The following PRRC2B variants were observed in gnomAD, a reference collection of about 807,000 sequenced individuals.
The protein encoded by PRRC2B is proline rich coiled-coil 2B.
Under a neutral mutation model 242.3 loss-of-function variants are expected in PRRC2B, and 68 were observed. The ratio of observed to expected loss-of-function variants is 0.28; its 90% CI spans 0.23 to 0.34. PRRC2B has a LOEUF of 0.34. PRRC2B is among the 10% of genes least tolerant of loss of function. PRRC2B has a pLI of 1.00. For missense variants in PRRC2B, 2,835 were observed against 2,954.8 expected, an observed-to-expected ratio of 0.96 and a Z score of 0.94; for synonymous variants, 1,228 against 1,173.6, an observed-to-expected ratio of 1.05 and a Z score of -0.95.
At chr9:131,383,940 C>T (rs972732202) in intron 1 of PRRC2B, among the ~76,000 whole-genome samples, 2 of 151,070 alleles carry the variant, frequency 1.3e-5, no homozygotes, top group African/African-American at 2.4e-5. Context: ...TTATTTTTTG[C>T]GACAGGCTTG....
At chr9:131,467,520 C>T (rs977470291) in intron 12 of PRRC2B, 43 bp from the exon 13 acceptor site, 4 of 1,489,676 alleles carry the variant, frequency 2.7e-6, no homozygotes, top group Non-Finnish European at 3.6e-6. Context: ...GGCTGAGCTT[C>T]TGTGAGCTCA....
intron 2 of PRRC2B, among the ~76,000 whole-genome samples, chr9:131,430,518 G>GATATCTATCTATAGATATCT (rs71372731): frequency 0.057 from 1,177 of 20,668 alleles, 26 homozygotes; most frequent in East Asian, 0.33. Context: ...TCTATAGATA[G>GATATCTATCTATAGATATCT]ATAGATAGAT....
At chr9:131,383,741 C>A (rs1407632064) in intron 1 of PRRC2B, among the ~76,000 whole-genome samples, 2 of 151,552 alleles carry the variant, frequency 1.3e-5, no homozygotes, top group Non-Finnish European at 2.9e-5. Context: ...CCAGCCTCAG[C>A]CTCCCAAATA....
rs149425465 is a variant in PRRC2B, at chr9:131,436,558, C to T, written c.294-62C>T. ...GCTGAACAGCTGTGGCTCCTGAGAA[C>T]GCAGAGACCTGGCCAGCGCACTCTG... On this transcript the variant is annotated intron_variant, in intron 3 of 31. Coordinates refer to ENST00000683519, the MANE Select transcript of PRRC2B (RefSeq NM_013318.4). 2.6e-3 allele frequency: 3,484 copies of T among 1,337,074 alleles called. 27 individuals carry two copies. Among genetic ancestry groups the T allele is most frequent in the Middle Eastern group, 7.5e-3 (40 of 5,322 alleles). The allele number at this position is 1,337,074 out of a possible 1,614,324, so 82.8% of individuals were successfully genotyped here.
At chr9:131,422,055 A>AT (rs1459792142) in intron 1 of PRRC2B, among the ~76,000 whole-genome samples, 1 of 151,152 alleles carries the variant, frequency 6.6e-6, no homozygotes, top group Non-Finnish European at 1.5e-5. Context: ...TCTTTTTTTT[A>AT]TTTTTTTATT....
chr9:131,414,231 T>G (rs55785234), intron 1 of PRRC2B, among the ~76,000 whole-genome samples: 1,528 of 151,348 alleles, frequency 0.01, 25 homozygotes, highest in Non-Finnish European at 0.013. Flanking sequence ...AATGAAACTT[T>G]TATCACAAAT....
At chr9:131,440,219 T>G (rs761811501) in intron 5 of PRRC2B, among the ~76,000 whole-genome samples, 5 of 152,220 alleles carry the variant, frequency 3.3e-5, no homozygotes, top group Non-Finnish European at 7.3e-5. Context: ...AAAAGGGTCT[T>G]TGAAGATGCT....
In PRRC2B at chr9:131,430,207, C is replaced by G. The variant is rs760842411; in HGVS notation, c.63C>G (p.Leu21=). ...GKDGKSKYST[L]SLFDKYKGKS... The stretch of plus-strand genomic sequence containing the variant: ...ATGGGAAAAGCAAGTACTCGACTCT[C>G]AGCCTGTTTGATAAGTATAAAGGAA... The change falls in exon 2 of 32, where the codon CTC becomes CTG. Residue 21 remains leucine, a synonymous_variant. Transcript: ENST00000683519. 3.1e-6 allele frequency: 5 copies of G among 1,608,196 alleles called. No individual in the cohort carries two copies. The highest frequency in any genetic ancestry group is 4.2e-6 in the Non-Finnish European group (5 of 1,177,294).
intron 1 of PRRC2B, among the ~76,000 whole-genome samples, chr9:131,408,822 T>A (rs192426621): frequency 0.01 from 1,513 of 150,980 alleles, 21 homozygotes; most frequent in Non-Finnish European, 0.013. Context: ...TGGGTTGAAG[T>A]GATTCTCCTG....
chr9:131,438,858 A>G, intron 4 of PRRC2B, 131 bp from the exon 5 acceptor site: 1 of 671,492 alleles, frequency 1.5e-6, no homozygotes, highest in Non-Finnish European at 2.7e-6. Context: ...CTGCTCAGAA[A>G]GTGGTGGTGG....
Position 131,464,801 on chromosome 9 carries a change from C to G in PRRC2B, c.1443C>G (p.Ile481Met). 6.2e-7 allele frequency: 1 copy of G among 1,609,398 alleles called. No individual in the cohort carries two copies. Residue 481 changes from isoleucine (I) to methionine (M), a missense_variant, in exon 12 of 32, where the codon ATC (isoleucine) becomes ATG (methionine). Transcript: ENST00000683519. The part of the protein sequence containing the change: ...SMGSMFRQQS[I>M]EDKEDKPPPR... ...GCAGCATGTTCCGGCAACAGTCCAT[C>G]GAGGACAAGGAGGACAAGCCCCCAC... is the stretch of plus-strand genomic sequence containing the variant.
chr9:131,463,872 G>C (rs567662024), intron 11 of PRRC2B, among the ~76,000 whole-genome samples: 1 of 150,862 alleles, frequency 6.6e-6, no homozygotes, highest in Non-Finnish European at 1.5e-5. Flanking sequence ...GGCTCATGCA[G>C]TCCCCCACGT....
At chr9:131,398,998 G>A (rs1291193739) in intron 1 of PRRC2B, among the ~76,000 whole-genome samples, 1 of 151,368 alleles carries the variant, frequency 6.6e-6, no homozygotes, top group Admixed American at 6.6e-5. Context: ...AAAGTAGGTC[G>A]GGCACGGTGG....
chr9:131,458,562 T>C (rs1210336360), intron 10 of PRRC2B, among the ~76,000 whole-genome samples: 1 of 151,930 alleles, frequency 6.6e-6, no homozygotes, highest in African/African-American at 2.4e-5. Flanking sequence ...TGGAGTGTAG[T>C]GCCGCGATTT....
intron 1 of PRRC2B, among the ~76,000 whole-genome samples, chr9:131,418,215 C>G (rs552978099): frequency 2.8e-4 from 42 of 152,378 alleles, no homozygotes; most frequent in African/African-American, 9.9e-4. Context: ...TCTAAAGCAG[C>G]TGTCTGTCTC....
intron 18 of PRRC2B, 23 bp downstream of exon 18, chr9:131,478,642 G>GGGGGGGGGGGCC: frequency 1.2e-5 from 6 of 482,016 alleles, no homozygotes; most frequent in African/African-American, 2.1e-5. Flanking sequence ...GGGTGGGGGG[G>GGGGGGGGGGGCC]CATGGGGCTG....
rs371772838 is a variant in PRRC2B at position 131,492,549 on chromosome 9, C to T, written c.6473+289C>T. On this transcript the variant is annotated intron_variant, in intron 30 of 31. Transcript: ENST00000683519. ...AAAGGAACGGCTGACATTTAGTAGG[C>T]ATCAGGACTGACGTGACTTCCCATT... Among the ~76,000 whole-genome samples, 188 of 152,326 alleles carry T rather than the reference C, an allele frequency of 1.2e-3. 1 individual carries two copies. The highest frequency in any genetic ancestry group is 3.9e-3 in the African/African-American group (163 of 41,584).
intron 1 of PRRC2B, among the ~76,000 whole-genome samples, chr9:131,382,582 G>T (rs1352451952): frequency 6.6e-6 from 1 of 151,902 alleles, no homozygotes; most frequent in Non-Finnish European, 1.5e-5. Flanking sequence ...CTGTGCAAGG[G>T]CCCCCTGCTG....
At chr9:131,477,697 T>G (rs1564297744) in intron 16 of PRRC2B, 47 bp from the exon 17 acceptor site, 1 of 1,241,802 alleles carries the variant, frequency 8.1e-7, no homozygotes, top group Non-Finnish European at 1.1e-6. Context: ...TGCGGTGTTT[T>G]CCCTCCTTCC....
Sources: gnomAD v4.1 joint callset for allele counts (sites outside exome capture counted in the v4.1 genomes callset) on GRCh38, gnomAD v4.1.1 for gene constraint, MANE v1.5 for transcripts, NCBI Gene and HGNC (gene_info 2026-07-23, HGNC 2026-07-21) for gene names.